EMSY: variants seen among roughly 807,000 people sequenced by gnomAD.
EMSY encodes EMSY transcriptional repressor, BRCA2 interacting, also known as BRCA2-interacting transcriptional repressor EMSY.
In EMSY, 26 loss-of-function variants were observed where a neutral mutation model predicts 134.6. The observed-to-expected ratio is 0.19, with a 90% CI of 0.14 to 0.27. The LOEUF (loss-of-function observed/expected upper bound fraction) is 0.27, where lower values mean the gene tolerates loss of function less well. EMSY is among the 10% of genes least tolerant of loss of function. The probability of loss-of-function intolerance (pLI) is 1.00; values close to 1 mark genes in which losing one functional copy is unlikely to be tolerated. For synonymous variants in EMSY, 579 were observed against 577.8 expected, an observed-to-expected ratio of 1.00 and a Z score of -0.03; for missense variants, 1,305 against 1,611.4, an observed-to-expected ratio of 0.81 and a Z score of 3.26.
chr11:76,460,298 A>G, intron 6 of EMSY: 1 of 476,198 alleles, frequency 2.1e-6, no homozygotes, highest in Admixed American at 3.5e-5. Context: ...CTTCATTTTC[A>G]TTGTCTGTGG....
chr11:76,544,794 C>A, exon 19 of EMSY: 1 of 1,614,070 alleles, frequency 6.2e-7, no homozygotes, highest in Non-Finnish European at 8.5e-7. Flanking sequence ...TCGCTCCCAG[C>A]TTCTTCAGAG....
intron 8 of EMSY, among the ~76,000 whole-genome samples, chr11:76,495,158 T>G (rs1949600469): frequency 6.6e-6 from 1 of 152,234 alleles, no homozygotes; most frequent in African/African-American, 2.4e-5. Context: ...TCATAGCGAC[T>G]TCTCAAGTTT....
exon 2 of EMSY, chr11:76,446,960 C>T (rs776210053): frequency 2.5e-6 from 4 of 1,613,666 alleles, no homozygotes; most frequent in Non-Finnish European, 3.4e-6. Flanking sequence ...GTGGCCAACC[C>T]TTCTGGATCT....
exon 19 of EMSY, chr11:76,544,353 C>T: frequency 6.2e-7 from 1 of 1,614,178 alleles, no homozygotes; most frequent in East Asian, 2.2e-5. Flanking sequence ...GACCCTCAGA[C>T]AGGTCTGTTT....
intron 8 of EMSY, among the ~76,000 whole-genome samples, chr11:76,481,557 G>A (rs944410944): frequency 6.6e-6 from 1 of 152,188 alleles, no homozygotes; most frequent in Non-Finnish European, 1.5e-5. Flanking sequence ...AAGCTTGGTG[G>A]GGGGAGGGGT....
rs1310838865 is a variant in EMSY, at chr11:76,528,160, A to G, written c.1996-108A>G. On this transcript the variant is annotated intron_variant, in intron 13 of 20. Coordinates refer to ENST00000334736, the Ensembl canonical transcript of EMSY. ...ATGCTGTGCCTAAAAAGTATAACGT[A>G]CAGAATAGTTTCCATACCAGGAAAA... is the stretch of plus-strand genomic sequence containing the variant. The G allele has an allele frequency of 4.2e-6, 4 of 947,932 alleles. No individual in the cohort carries two copies. The African/African-American group carries it at 5.0e-5, about 12-fold the overall frequency. 58.7% of individuals were successfully genotyped at this position (947,932 alleles called of 1,614,324 possible).
At chr11:76,544,735 G>C (rs200666359) in exon 19 of EMSY, 2 of 1,613,928 alleles carry the variant, frequency 1.2e-6, no homozygotes, top group Non-Finnish European at 1.7e-6. Flanking sequence ...AGCAGGCTCC[G>C]AACCAACCAA....
At position 76,473,213 on chromosome 11, in the gene EMSY, T is replaced by A. The variant is rs557717702; in HGVS notation, c.1108+373T>A. 1.3e-3 allele frequency among the ~76,000 whole-genome samples: 197 copies of A among 152,260 alleles called. 1 individual carries two copies. Among genetic ancestry groups the A allele is most frequent in the Non-Finnish European group, 2.4e-3 (163 of 68,008 alleles). On this transcript the variant is annotated intron_variant, in intron 8 of 20. Transcript: ENST00000334736. ...CTTCAGAGGAAACATCAAGTACACA[T>A]CCTCTTCAAAGTAAATGATAAGAGG...
intron 14 of EMSY, among the ~76,000 whole-genome samples, chr11:76,530,943 A>C (rs1951019508): frequency 6.6e-6 from 1 of 152,174 alleles, no homozygotes; most frequent in Admixed American, 6.5e-5. Flanking sequence ...CTTTTGATAT[A>C]ATTTCAAAAT....
At chr11:76,523,204 G>A (rs1243815718) in exon 12 of EMSY, 1 of 1,613,654 alleles carries the variant, frequency 6.2e-7, no homozygotes, top group Non-Finnish European at 8.5e-7. Flanking sequence ...AGCCCAACGT[G>A]ATTGTTGTAC....
At chr11:76,549,180 C>T (rs1325157578) in intron 20 of EMSY, among the ~76,000 whole-genome samples, 2 of 152,174 alleles carry the variant, frequency 1.3e-5, no homozygotes, top group Non-Finnish European at 2.9e-5. Context: ...CAGAGCCAAC[C>T]ATGCCATGAT....
At chr11:76,530,755 A>G (rs1410769175) in intron 14 of EMSY, among the ~76,000 whole-genome samples, 1 of 152,162 alleles carries the variant, frequency 6.6e-6, no homozygotes, top group Non-Finnish European at 1.5e-5. Flanking sequence ...GTCTGGGAAT[A>G]TATATGCTGT....
At chr11:76,458,424 A>T in intron 5 of EMSY, 66 bp downstream of exon 6, 7 of 1,444,726 alleles carry the variant, frequency 4.8e-6, no homozygotes, top group Non-Finnish European at 6.5e-6. Context: ...AATTTCAAGA[A>T]AAGTTGTCTT....
chr11:76,527,111 A>G (rs1042240529), intron 13 of EMSY, among the ~76,000 whole-genome samples: 2 of 152,108 alleles, frequency 1.3e-5, no homozygotes, highest in African/African-American at 4.8e-5. Context: ...TTTTCTGAAA[A>G]TTTGCCTTGG....
chr11:76,526,768 G>T, intron 13 of EMSY, 133 bp downstream of exon 14: 1 of 869,982 alleles, frequency 1.1e-6, no homozygotes, highest in African/African-American at 1.7e-5. Context: ...GTTTGAATGT[G>T]TTAATTATTC....
intron 9 of EMSY, among the ~76,000 whole-genome samples, chr11:76,501,449 G>A (rs1949853340): frequency 6.6e-6 from 1 of 152,054 alleles, no homozygotes; most frequent in Admixed American, 6.6e-5. Context: ...AGGCTATGAG[G>A]ACAATATTAC....
Position 76,452,734 on chromosome 11 carries a change from G to A in EMSY, c.171-580G>A, listed in dbSNP as rs73493462. Among the ~76,000 whole-genome samples the A allele has an allele frequency of 4.5e-3, 687 of 152,122 alleles. 4 individuals carry two copies. Among genetic ancestry groups the A allele is most frequent in the African/African-American group, 0.016 (651 of 41,474 alleles). On this transcript the variant is annotated intron_variant, in intron 3 of 20. Transcript: ENST00000334736. ...TAATATAAGCACATTTTTACCATTGGTAACATAATGTAATGTAGAAGATAT... is the reference window on the plus strand; with the variant it reads ...TAATATAAGCACATTTTTACCATTGATAACATAATGTAATGTAGAAGATAT...
At chr11:76,503,870 C>T (rs1012331284) in intron 9 of EMSY, among the ~76,000 whole-genome samples, 1 of 152,056 alleles carries the variant, frequency 6.6e-6, no homozygotes, top group Admixed American at 6.5e-5. Context: ...CTGCAACTTA[C>T]GCCTCCTGGG....
In EMSY at chr11:76,546,429, G is replaced by T. The variant is rs1477027752; in HGVS notation, c.3774+132G>T. 5.5e-6 allele frequency: 7 copies of T among 1,274,344 alleles called. No individual in the cohort carries two copies. In the South Asian group the frequency reaches 1.1e-4, roughly 20 times the overall value. 78.9% of individuals were successfully genotyped at this position (1,274,344 alleles called of 1,614,324 possible). A position where few individuals can be genotyped will look rare whatever the true frequency, so the allele number is the denominator to read the frequency against. ...AGACATAGATATTATCTTTGAGATG[G>T]TGTTTGACAAATTTGGTTTAACACC... On this transcript the variant is annotated intron_variant, in intron 20 of 20. Transcript: ENST00000334736.
Sources: allele counts gnomAD v4.1 joint callset (sites outside exome capture counted in the v4.1 genomes callset), GRCh38; gene constraint gnomAD v4.1.1; transcripts MANE v1.5; gene names NCBI Gene and HGNC (gene_info 2026-07-23, HGNC 2026-07-21).